The following BABAM2 variants were observed in gnomAD, a reference collection of about 807,000 sequenced individuals.
BABAM2 encodes the protein BRISC and BRCA1-A complex member 2.
BABAM2 carries 31 observed loss-of-function variants against 54.7 expected under a neutral mutation model. The observed-to-expected ratio is 0.57, with a 90% CI of 0.43 to 0.77. The LOEUF (loss-of-function observed/expected upper bound fraction) is 0.77. Among genes scored for constraint, BABAM2 ranks in the 30% least tolerant of loss-of-function variants. The pLI is 0.00. For missense variants in BABAM2, 364 were observed against 455.8 expected (o/e 0.80, Z 1.83); for synonymous variants, 167 against 162.9 (o/e 1.03, Z -0.19).
At chr2:27,926,427 G>A (rs1378043332) in intron 2 of BABAM2, among the ~76,000 whole-genome samples, 1 of 152,158 alleles carries the variant, frequency 6.6e-6, no homozygotes, top group African/African-American at 2.4e-5. Context: ...TGCACCAGCT[G>A]TTTGCTCTGC....
chr2:28,171,589 A>C (rs185604022), intron 7 of BABAM2, among the ~76,000 whole-genome samples: 31 of 152,272 alleles, frequency 2.0e-4, no homozygotes, highest in Non-Finnish European at 4.0e-4. Flanking sequence ...CTGTTTTCTT[A>C]CTATCTTGAA....
At chr2:28,006,934 T>TTATATATATTTTATA (rs1674019852) in intron 4 of BABAM2, among the ~76,000 whole-genome samples, 2 of 152,084 alleles carry the variant, frequency 1.3e-5, no homozygotes, top group East Asian at 3.9e-4. Context: ...ATATTCAGAC[T>TTATATATATTTTATA]CATAAAAATA....
chr2:28,045,573 C>T, intron 5 of BABAM2, 152 bp from the exon 6 acceptor site: 1 of 511,974 alleles, frequency 2.0e-6, no homozygotes. Flanking sequence ...TCCTCCCCTA[C>T]TTTTCCAACC....
chr2:27,974,312 A>G (rs1299245555), intron 3 of BABAM2, among the ~76,000 whole-genome samples: 2 of 152,188 alleles, frequency 1.3e-5, no homozygotes, highest in East Asian at 3.8e-4. Context: ...GAAAAAAATT[A>G]GCAAATTGAA....
chr2:28,059,664 A>C (rs781032346), intron 6 of BABAM2, among the ~76,000 whole-genome samples: 40 of 152,208 alleles, frequency 2.6e-4, no homozygotes, highest in Non-Finnish European at 5.3e-4. Context: ...TGAGGTAAAA[A>C]CTATTTTCAA....
chr2:28,041,793 G>T (rs1398252378), intron 5 of BABAM2, among the ~76,000 whole-genome samples: 2 of 152,066 alleles, frequency 1.3e-5, no homozygotes, highest in Non-Finnish European at 2.9e-5. Flanking sequence ...CTGACCATTT[G>T]GTAGTTTTGA....
intron 7 of BABAM2, among the ~76,000 whole-genome samples, chr2:28,225,884 G>T (rs1680837626): frequency 6.6e-6 from 1 of 151,890 alleles, no homozygotes. Flanking sequence ...TATTCTAGGG[G>T]GGTGGGGTTT....
At chr2:28,185,612 G>A (rs1035694188) in intron 7 of BABAM2, among the ~76,000 whole-genome samples, 15 of 152,064 alleles carry the variant, frequency 9.9e-5, no homozygotes, top group African/African-American at 3.4e-4. Context: ...CTTGGCCAGC[G>A]TCAGTGCATG....
At chr2:28,244,404 C>T (rs1682730465) in intron 9 of BABAM2, among the ~76,000 whole-genome samples, 1 of 151,990 alleles carries the variant, frequency 6.6e-6, no homozygotes, top group East Asian at 1.9e-4. Flanking sequence ...TTAATATGTC[C>T]TTCTACTCAT....
chr2:27,922,153 A>G (rs114796144), intron 2 of BABAM2, among the ~76,000 whole-genome samples: 2,941 of 152,292 alleles, frequency 0.019, 97 homozygotes, highest in African/African-American at 0.068. Flanking sequence ...TTGCTCTTTG[A>G]TGTCATCATC....
chr2:28,061,652 A>G (rs1278097658), intron 6 of BABAM2, among the ~76,000 whole-genome samples: 2 of 151,558 alleles, frequency 1.3e-5, no homozygotes, highest in Admixed American at 6.6e-5. Flanking sequence ...ACATATATAT[A>G]TATTTGTTGA....
intron 6 of BABAM2, among the ~76,000 whole-genome samples, chr2:28,103,143 A>T (rs1450433749): frequency 7.6e-6 from 1 of 131,992 alleles, no homozygotes; most frequent in Non-Finnish European, 1.6e-5. Flanking sequence ...CTTATTGAGT[A>T]AAAAAAAAAA....
chr2:28,063,069 T>C (rs1558301737), intron 6 of BABAM2, among the ~76,000 whole-genome samples: 1 of 152,238 alleles, frequency 6.6e-6, no homozygotes, highest in Non-Finnish European at 1.5e-5. Context: ...TCTAGTGCAG[T>C]TCCCCTTCTG....
intron 7 of BABAM2, among the ~76,000 whole-genome samples, chr2:28,132,109 G>A (rs1382462677): frequency 1.3e-5 from 2 of 150,924 alleles, no homozygotes; most frequent in Non-Finnish European, 3.0e-5. Context: ...GCTCTCTCAT[G>A]TCCTTCCTCC....
At chr2:28,078,557 G>A (rs1423257392) in intron 6 of BABAM2, among the ~76,000 whole-genome samples, 1 of 152,154 alleles carries the variant, frequency 6.6e-6, no homozygotes, top group Admixed American at 6.5e-5. Flanking sequence ...GGGGTTTGAT[G>A]CTATCCATGA....
intron 10 of BABAM2, among the ~76,000 whole-genome samples, chr2:28,276,884 C>A (rs1685923257): frequency 6.6e-6 from 1 of 152,140 alleles, no homozygotes; most frequent in Admixed American, 6.6e-5. Context: ...GTAAACCCTG[C>A]ACAAAACATA....
At position 28,329,122 on chromosome 2, in the gene BABAM2, T is replaced by C. The variant is rs1379623522; in HGVS notation, c.1089-9328T>C. The stretch of plus-strand genomic sequence containing the variant: ...CCTGTCTTAACTTTCTTCAGTCTCC[T>C]GATTTCCCCTTCTCTAGAACCCAAC... On this transcript the variant is annotated intron_variant, in intron 11 of 11. Coordinates refer to ENST00000379624, the MANE Select transcript of BABAM2 (RefSeq NM_199191.3). The surrounding 1 kb of genome is among the most constrained non-coding windows in gnomAD (Gnocchi z 4.2). Among the ~76,000 whole-genome samples the C allele has an allele frequency of 6.6e-6, 1 of 152,226 alleles. No homozygotes were observed. Among genetic ancestry groups the C allele is most frequent in the Non-Finnish European group, 1.5e-5 (1 of 68,042 alleles).
chr2:27,917,014 CTTTTT>C (rs753765833), intron 2 of BABAM2, among the ~76,000 whole-genome samples: 44 of 90,094 alleles, frequency 4.9e-4, no homozygotes, highest in Non-Finnish European at 7.1e-4. Context: ...TCACTCCAAA[CTTTTT>C]TTTTTTTTTT....
chr2:28,235,466 C>T (rs1681818380), intron 7 of BABAM2, among the ~76,000 whole-genome samples: 1 of 152,118 alleles, frequency 6.6e-6, no homozygotes, highest in Non-Finnish European at 1.5e-5. Flanking sequence ...TGAGCCACCA[C>T]GCCCAGCCCC....
Sources: allele counts gnomAD v4.1 joint callset (sites outside exome capture counted in the v4.1 genomes callset), GRCh38; gene constraint gnomAD v4.1.1; non-coding constraint Gnocchi (gnomAD v3.1); transcripts MANE v1.5; gene names NCBI Gene and HGNC (gene_info 2026-07-23, HGNC 2026-07-21).